Variants in CTNND2 observed in about 807,000 individuals in gnomAD.
CTNND2 encodes catenin delta-2.
Under a neutral mutation model 144.4 loss-of-function variants are expected in CTNND2, and 22 were observed. The ratio of observed to expected loss-of-function variants is 0.15; its 90% confidence interval spans 0.11 to 0.22. CTNND2 has a LOEUF of 0.22. Ranked by LOEUF, CTNND2 falls within the 10% of genes least tolerant of loss-of-function variation. The pLI is 1.00. For missense variants in CTNND2, 1,353 were observed against 1,618.8 expected, an observed-to-expected ratio of 0.84 and a Z score of 2.82; for synonymous variants, 751 against 695.6, an observed-to-expected ratio of 1.08 and a Z score of -1.25.
intron 9 of CTNND2, among the ~76,000 whole-genome samples, chr5:11,261,166 TA>T (rs1272920760): frequency 3.9e-5 from 6 of 152,080 alleles, no homozygotes; most frequent in Non-Finnish European, 8.8e-5. Flanking sequence ...TAACAAAAAC[TA>T]AAAAATTAAA....
At chr5:11,598,076 T>C (rs1779607995) in intron 2 of CTNND2, among the ~76,000 whole-genome samples, 2 of 152,192 alleles carry the variant, frequency 1.3e-5, no homozygotes, top group South Asian at 4.1e-4. Context: ...GTTATCATTG[T>C]TTCTGTGTAC....
rs528502462 is a variant in CTNND2, at chr5:11,015,048, A to G, written c.3084+2926T>C. Among the ~76,000 whole-genome samples, 8 of 152,294 alleles carry G rather than the reference A, an allele frequency of 5.3e-5. No homozygotes were observed. The South Asian group carries it at 1.7e-3, about 32-fold the overall frequency. On this transcript the variant is annotated intron_variant, in intron 18 of 21. Transcript: ENST00000304623. ...TCTTTACCCCTAGTACCTCCTTCCC[A>G]TATCTTATGTTTTCCTTTGGAACGC... is the stretch of plus-strand genomic sequence containing the variant.
chr5:11,419,935 G>A (rs1017925107), intron 3 of CTNND2, among the ~76,000 whole-genome samples: 1 of 152,054 alleles, frequency 6.6e-6, no homozygotes, highest in Non-Finnish European at 1.5e-5. Flanking sequence ...TGAAATAAAG[G>A]TACAGAACTA....
At chr5:11,114,378 C>A (rs185063686) in intron 13 of CTNND2, among the ~76,000 whole-genome samples, 5 of 150,562 alleles carry the variant, frequency 3.3e-5, no homozygotes, top group African/African-American at 2.4e-5. Context: ...GGGATGGGGG[C>A]GGATGGGGAG....
At chr5:11,551,432 CTTT>C (rs70949326) in intron 3 of CTNND2, among the ~76,000 whole-genome samples, 23 of 100,922 alleles carry the variant, frequency 2.3e-4, no homozygotes, top group South Asian at 1.4e-3. Flanking sequence ...TTTCTTTTTT[CTTT>C]TTTTTTTTTT....
At chr5:10,986,233 GTTTTA>G (rs371785423) in intron 20 of CTNND2, among the ~76,000 whole-genome samples, 22 of 152,296 alleles carry the variant, frequency 1.4e-4, no homozygotes, top group Middle Eastern at 6.8e-3. Context: ...TAAATTTTAT[GTTTTA>G]TTTTATTTTG....
chr5:11,717,064 C>T (rs577792215), intron 2 of CTNND2, among the ~76,000 whole-genome samples: 121 of 151,572 alleles, frequency 8.0e-4, no homozygotes, highest in African/African-American at 2.7e-3. Flanking sequence ...GACGGGGTTT[C>T]GCCATGTTGG....
intron 1 of CTNND2, among the ~76,000 whole-genome samples, chr5:11,827,101 C>T (rs1403035449): frequency 6.6e-6 from 1 of 151,892 alleles, no homozygotes; most frequent in Non-Finnish European, 1.5e-5. Context: ...ATAAATTTAC[C>T]AGAATTAAAA....
chr5:11,684,329 CCT>C (rs1301540869), intron 2 of CTNND2, among the ~76,000 whole-genome samples: 4 of 151,976 alleles, frequency 2.6e-5, no homozygotes, highest in Admixed American at 1.3e-4. Context: ...GTCTTGATCC[CCT>C]GACCTCATGA....
At chr5:11,374,223 G>A (rs1322736748) in intron 7 of CTNND2, among the ~76,000 whole-genome samples, 1 of 152,186 alleles carries the variant, frequency 6.6e-6, no homozygotes, top group Admixed American at 6.5e-5. Flanking sequence ...TCTCAGCTGA[G>A]ACCAGGTAGA....
At chr5:11,774,255 G>T (rs987851558) in intron 1 of CTNND2, among the ~76,000 whole-genome samples, 1 of 151,770 alleles carries the variant, frequency 6.6e-6, no homozygotes, top group African/African-American at 2.4e-5. Flanking sequence ...GATGATTTCC[G>T]ATTTCATCCA....
intron 1 of CTNND2, among the ~76,000 whole-genome samples, chr5:11,874,691 C>T (rs1490507917): frequency 6.6e-6 from 1 of 152,222 alleles, no homozygotes; most frequent in East Asian, 1.9e-4. Flanking sequence ...CAGAATGTCA[C>T]CTAAGTTAAA....
intron 2 of CTNND2, among the ~76,000 whole-genome samples, chr5:11,682,265 T>C (rs921231712): frequency 6.6e-6 from 1 of 152,226 alleles, no homozygotes; most frequent in African/African-American, 2.4e-5. Flanking sequence ...TGGGCATTTC[T>C]ACTGGGCTGG....
rs557713817 is a variant in CTNND2, at chr5:11,013,872, A to C, written c.3084+4102T>G. Among the ~76,000 whole-genome samples, 3 of 152,244 alleles carry C rather than the reference A, an allele frequency of 2.0e-5. No homozygotes were observed. In the South Asian group the frequency reaches 6.2e-4, roughly 32 times the overall value. ...CCGGGGTGTGAGCCCGAGACTGGCAACTTCTGTGCCACTTGCCCTCCCCTC... is the reference window on the plus strand; with the variant it reads ...CCGGGGTGTGAGCCCGAGACTGGCACCTTCTGTGCCACTTGCCCTCCCCTC... On this transcript the variant is annotated intron_variant, in intron 18 of 21. Coordinates refer to ENST00000304623, the MANE Select transcript of CTNND2 (RefSeq NM_001332.4).
intron 9 of CTNND2, among the ~76,000 whole-genome samples, chr5:11,323,885 C>T (rs1266777198): frequency 6.6e-6 from 1 of 152,090 alleles, no homozygotes; most frequent in Non-Finnish European, 1.5e-5. Flanking sequence ...GAGTGAGGTC[C>T]TAGCCAGGAA....
intron 9 of CTNND2, among the ~76,000 whole-genome samples, chr5:11,343,439 C>G (rs1214899810): frequency 6.6e-6 from 1 of 152,192 alleles, no homozygotes; most frequent in Non-Finnish European, 1.5e-5. Context: ...AGCAATCGAT[C>G]AGGGATGCCA....
At chr5:11,538,151 A>C in intron 3 of CTNND2, among the ~76,000 whole-genome samples, 1 of 152,236 alleles carries the variant, frequency 6.6e-6, no homozygotes, top group Non-Finnish European at 1.5e-5. Context: ...CTGCTTCTCT[A>C]GGACTGGCTG....
At chr5:11,218,718 C>T (rs1739478429) in intron 10 of CTNND2, among the ~76,000 whole-genome samples, 2 of 152,282 alleles carry the variant, frequency 1.3e-5, no homozygotes, top group South Asian at 4.1e-4. Context: ...AAAGTCAACC[C>T]AGAAAAGCTG....
At chr5:11,606,717 T>C (rs939383218) in intron 2 of CTNND2, among the ~76,000 whole-genome samples, 1 of 152,170 alleles carries the variant, frequency 6.6e-6, no homozygotes, top group Admixed American at 6.5e-5. Context: ...ATGATGTTTT[T>C]AAATATGGGA....
Sources: gnomAD v4.1 joint callset for allele counts (sites outside exome capture counted in the v4.1 genomes callset) on GRCh38, gnomAD v4.1.1 for gene constraint, MANE v1.5 for transcripts, NCBI Gene and HGNC (gene_info 2026-07-23, HGNC 2026-07-21) for gene names.